CASZ1: variants seen among roughly 807,000 people sequenced by gnomAD.
CASZ1 encodes zinc finger protein castor homolog 1.
CASZ1 carries 28 observed loss-of-function variants against 135.2 expected under a neutral mutation model. The observed-to-expected ratio is 0.21, with a 90% CI of 0.15 to 0.28. CASZ1 has a LOEUF of 0.28. Among genes scored for constraint, CASZ1 ranks in the 10% least tolerant of loss-of-function variants. CASZ1 has a pLI of 1.00. For missense variants in CASZ1, 2,161 were observed against 2,453.3 expected (o/e 0.88, Z 2.52); for synonymous variants, 1,068 against 1,073.4 (o/e 0.99, Z 0.10).
intron 1 of CASZ1, among the ~76,000 whole-genome samples, chr1:10,761,091 A>G (rs1459767104): frequency 2.0e-5 from 3 of 152,404 alleles, no homozygotes; most frequent in African/African-American, 7.2e-5. Context: ...GCCAATGGCT[A>G]CGCAGTTGTT....
In CASZ1 at chr1:10,643,296, T is replaced by C. The variant is rs1333612762; in HGVS notation, c.3884A>G (p.Gln1295Arg). The change falls in exon 19 of 21, where the codon CAG becomes CGG. Residue 1295 changes from glutamine (Q) to arginine (R), a missense_variant. Coordinates refer to ENST00000377022, the MANE Select transcript of CASZ1 (RefSeq NM_001079843.3). ...GATGCAGTGGAAGTGGCTGTTCACC[T>C]GGTTGTACTTGCAACCTGTGGACAC... is the stretch of plus-strand genomic sequence containing the variant. ...ECGRLGCKYN[Q>R]VNSHFHCIRE... 1 of 1,612,866 alleles carries C rather than the reference T, an allele frequency of 6.2e-7. No homozygotes were observed. The highest frequency in any genetic ancestry group is 1.1e-5 in the South Asian group (1 of 91,056).
At chr1:10,691,288 T>G (rs1422975806) in intron 4 of CASZ1, among the ~76,000 whole-genome samples, 1 of 152,246 alleles carries the variant, frequency 6.6e-6, no homozygotes, top group Non-Finnish European at 1.5e-5. Flanking sequence ...CATTTTTTAT[T>G]GCTAAAGACG....
At chr1:10,713,887 C>T (rs1639330542) in intron 2 of CASZ1, among the ~76,000 whole-genome samples, 1 of 152,252 alleles carries the variant, frequency 6.6e-6, no homozygotes, top group South Asian at 2.1e-4. Context: ...GGCTCAGGAG[C>T]TCCACCACCG....
intron 15 of CASZ1, 60 bp from the exon 16 acceptor site, chr1:10,648,199 T>C (rs1642436985): frequency 2.4e-6 from 3 of 1,230,388 alleles, no homozygotes; most frequent in Admixed American, 5.3e-5. Context: ...TGGAGGGGCA[T>C]GCATGTGACC....
rs1291570787 is a variant in CASZ1, at chr1:10,735,520, G to A, written c.-77+25181C>T. Among the ~76,000 whole-genome samples, 1 of 152,140 alleles carries A rather than the reference G, an allele frequency of 6.6e-6. No individual in the cohort carries two copies. The highest frequency in any genetic ancestry group is 1.5e-5 in the Non-Finnish European group (1 of 68,018). On this transcript the variant is annotated intron_variant, in intron 2 of 20. Coordinates refer to ENST00000377022, the MANE Select transcript of CASZ1 (RefSeq NM_001079843.3). The surrounding 1 kb of genome is among the most constrained non-coding windows in gnomAD (Gnocchi z 5.1). ...GCGCCAGGGCTGTCCCCAAAGTTTG[G>A]ATCAAACTTTGCCTGGGGGAGGGGG...
chr1:10,678,551 T>G (rs114658396), intron 4 of CASZ1, among the ~76,000 whole-genome samples: 1,753 of 151,800 alleles, frequency 0.012, 34 homozygotes, highest in African/African-American at 0.037. Context: ...CCCACCCAGC[T>G]CCCCCACCCG....
chr1:10,690,193 T>A (rs577435344), intron 4 of CASZ1, among the ~76,000 whole-genome samples: 1 of 152,350 alleles, frequency 6.6e-6, no homozygotes, highest in South Asian at 2.1e-4. Flanking sequence ...CCCCGGTGCC[T>A]GGCAGGTCGA....
chr1:10,640,077 G>A lies in CASZ1; in HGVS notation c.4163-18C>T, dbSNP rs1207553316. The A allele has an allele frequency of 6.3e-7, 1 of 1,595,502 alleles. No individual in the cohort carries two copies. The highest frequency in any genetic ancestry group is 1.7e-5 in the Admixed American group (1 of 59,714). ...GGTGTTCCCTGGGGAGGGGCAGGGA[G>A]GTCAGTGCAGAAGAGGGACCCACGT... On this transcript the variant is annotated intron_variant, in intron 20 of 20. Transcript: ENST00000377022.
In CASZ1 at chr1:10,658,498, A is replaced by G. The variant is rs147686084; in HGVS notation, c.1409+10T>C. The G allele has an allele frequency of 1.1e-3, 1,836 of 1,612,278 alleles. 17 individuals are homozygous for G. The African/African-American group carries it at 0.022, about 19-fold the overall frequency. On this transcript the variant is annotated intron_variant, in intron 7 of 20. Coordinates refer to ENST00000377022, the MANE Select transcript of CASZ1 (RefSeq NM_001079843.3). ...TTCTCTCCACGGCAGGCTCCTCCCC[A>G]GGGGCCTACCTGGCAATATATTTCT... is the stretch of plus-strand genomic sequence containing the variant.
rs1383505358 is a variant in CASZ1 at position 10,726,987 on chromosome 1, G to A, written c.-76-21443C>T. Among the ~76,000 whole-genome samples the A allele has an allele frequency of 6.6e-6, 1 of 152,188 alleles. No individual in the cohort carries two copies. The highest frequency in any genetic ancestry group is 2.4e-5 in the African/African-American group (1 of 41,426). ...TCTATCACGAAAGCCAGGACGGAGG[G>A]GAGGGAGACCGGGAGAGGTGACTGG... On this transcript the variant is annotated intron_variant, in intron 2 of 20. Transcript: ENST00000377022. The surrounding 1 kb of genome is among the most constrained non-coding windows in gnomAD (Gnocchi z 5.7).
intron 11 of CASZ1, chr1:10,651,924 G>C (rs995341257): frequency 6.6e-6 from 1 of 152,240 alleles, no homozygotes; most frequent in African/African-American, 2.4e-5. Context: ...TCTGGCCACC[G>C]AGCCCACGTG....
At position 10,788,450 on chromosome 1, in the gene CASZ1, GACTGCATTTATAA is replaced by G. The variant is rs1640897586; in HGVS notation, c.-234+8101_-234+8113del. On this transcript the variant is annotated intron_variant, in intron 1 of 20. Transcript: ENST00000377022. This position sits in a 1 kb window ranked among gnomAD's most constrained non-coding sequence, Gnocchi z 4.1. Reference sequence around the variant, plus strand: ...AGCAGGGGGCCCTAGAGGGTCCTTAGACTGCATTTATAAGATCTGCGAAACCCCTCAAAGTATA... The same window carrying G: ...AGCAGGGGGCCCTAGAGGGTCCTTAGGATCTGCGAAACCCCTCAAAGTATA... Among the ~76,000 whole-genome samples the G allele has an allele frequency of 6.6e-6, 1 of 152,196 alleles. No homozygotes were observed. The highest frequency in any genetic ancestry group is 1.5e-5 in the Non-Finnish European group (1 of 68,036).
chr1:10,660,102 A>T lies in CASZ1; in HGVS notation c.940T>A (p.Phe314Ile). ...CCGGTCTTCAGTTTTTGGATGAAGAAGTCGTACTTGGAGGCCCGGGCTACC... is the reference window on the plus strand; with the variant it reads ...CCGGTCTTCAGTTTTTGGATGAAGATGTCGTACTTGGAGGCCCGGGCTACC... ...NLVARASKYD[F>I]FIQKLKTGEN... The change falls in exon 6 of 21, where the codon TTC becomes ATC. Residue 314 changes from phenylalanine (F) to isoleucine (I), a missense_variant. Transcript: ENST00000377022. The T allele has an allele frequency of 1.2e-6, 2 of 1,614,138 alleles. No homozygotes were observed. Among genetic ancestry groups the T allele is most frequent in the East Asian group, 4.5e-5 (2 of 44,870 alleles).
At chr1:10,662,890 C>G (rs190972440) in intron 5 of CASZ1, among the ~76,000 whole-genome samples, 1 of 152,324 alleles carries the variant, frequency 6.6e-6, no homozygotes, top group African/African-American at 2.4e-5. Context: ...GCGGTCAGTC[C>G]CAGGCTAATT....
chr1:10,753,242 A>G (rs1640182405), intron 2 of CASZ1, among the ~76,000 whole-genome samples: 2 of 152,218 alleles, frequency 1.3e-5, no homozygotes, highest in South Asian at 4.1e-4. Context: ...AGGGGGGTAC[A>G]GTTCCTACGG....
chr1:10,745,008 C>G (rs1640013632), intron 2 of CASZ1, among the ~76,000 whole-genome samples: 1 of 152,126 alleles, frequency 6.6e-6, no homozygotes, highest in African/African-American at 2.4e-5. Context: ...CGGAATAGGC[C>G]ACCTGACCTT....
Position 10,679,871 on chromosome 1 carries a change from C to G in CASZ1, c.16+14003G>C, listed in dbSNP as rs1222756676. ...GATCTGCAGGGGCAGCAGGCCAAGTCCCAGCCCTGGGACTCCCCTCCCCTA... is the reference window on the plus strand; with the variant it reads ...GATCTGCAGGGGCAGCAGGCCAAGTGCCAGCCCTGGGACTCCCCTCCCCTA... On this transcript the variant is annotated intron_variant, in intron 4 of 20. Transcript: ENST00000377022. The surrounding 1 kb of genome is among the most constrained non-coding windows in gnomAD (Gnocchi z 4.7). Among the ~76,000 whole-genome samples the G allele has an allele frequency of 1.3e-5, 2 of 152,202 alleles. No individual in the cohort carries two copies. Among genetic ancestry groups the G allele is most frequent in the African/African-American group, 4.8e-5 (2 of 41,446 alleles).
chr1:10,751,040 T>G (rs936985770), intron 2 of CASZ1, among the ~76,000 whole-genome samples: 2 of 151,808 alleles, frequency 1.3e-5, no homozygotes, highest in Admixed American at 1.3e-4. Context: ...GTGAGCACCC[T>G]GTGCATGCTG....
Position 10,747,978 on chromosome 1 carries a change from G to A in CASZ1, c.-77+12723C>T, listed in dbSNP as rs537419762. 8.5e-5 allele frequency among the ~76,000 whole-genome samples: 13 copies of A among 152,252 alleles called. No homozygotes were observed. The highest frequency in any genetic ancestry group is 2.4e-4 in the African/African-American group (10 of 41,536). On this transcript the variant is annotated intron_variant, in intron 2 of 20. Transcript: ENST00000377022. This position sits in a 1 kb window ranked among gnomAD's most constrained non-coding sequence, Gnocchi z 4.3. Reference sequence around the variant, plus strand: ...ACTAGAGGCACCCGCCACCACGCCCGGCTAAGTTTTTTGTATTTTTTAGTG... The same window carrying A: ...ACTAGAGGCACCCGCCACCACGCCCAGCTAAGTTTTTTGTATTTTTTAGTG...
Sources: gnomAD v4.1 joint callset for allele counts (sites outside exome capture counted in the v4.1 genomes callset) on GRCh38, gnomAD v4.1.1 for gene constraint, Gnocchi (gnomAD v3.1) non-coding constraint, MANE v1.5 for transcripts, NCBI Gene and HGNC (gene_info 2026-07-23, HGNC 2026-07-21) for gene names.